Variants in PTBP3 observed in about 807,000 individuals in gnomAD.
PTBP3 encodes the protein polypyrimidine tract-binding protein 3.
In PTBP3, 20 loss-of-function variants were observed where a neutral mutation model predicts 58.7. The ratio of observed to expected loss-of-function variants is 0.34; its 90% CI spans 0.24 to 0.50. The LOEUF (loss-of-function observed/expected upper bound fraction) is 0.50. Among genes scored for constraint, PTBP3 ranks in the 20% least tolerant of loss-of-function variants. The probability of loss-of-function intolerance (pLI) is 0.98; values close to 1 mark genes in which losing one functional copy is unlikely to be tolerated. For missense variants in PTBP3, 509 were observed against 637.2 expected, an observed-to-expected ratio of 0.80 and a Z score of 2.17; for synonymous variants, 185 against 219.8, an observed-to-expected ratio of 0.84 and a Z score of 1.40.
At chr9:112,250,770 T>C (rs1270174512) in intron 7 of PTBP3, among the ~76,000 whole-genome samples, 159 bp downstream of exon 7, 1 of 152,210 alleles carries the variant, frequency 6.6e-6, no homozygotes, top group Admixed American at 6.5e-5. Context: ...CTAATATTAA[T>C]ATTTAATTAA....
At chr9:112,326,926 C>A (rs921364369) in intron 1 of PTBP3, among the ~76,000 whole-genome samples, 4 of 152,160 alleles carry the variant, frequency 2.6e-5, no homozygotes, top group African/African-American at 9.7e-5. Flanking sequence ...AAATTAAAGA[C>A]AGCAATTATG....
At chr9:112,350,442 T>C in the PTBP3 span, among the ~76,000 whole-genome samples, 1 of 152,244 alleles carries the variant, frequency 6.6e-6, no homozygotes, top group African/African-American at 2.4e-5. Flanking sequence ...TACAGAGCAT[T>C]CTTCCACGCC....
chr9:112,238,716 CT>C (rs1376416500), intron 7 of PTBP3, among the ~76,000 whole-genome samples: 2 of 42,246 alleles, frequency 4.7e-5, no homozygotes, highest in Non-Finnish European at 1.0e-4. Context: ...AACTGACTTT[CT>C]AAGAGCAACA....
chr9:112,372,388 T>A, the PTBP3 span, among the ~76,000 whole-genome samples: 1 of 152,192 alleles, frequency 6.6e-6, no homozygotes. Context: ...TTTCCATAAA[T>A]TTTTTTGTTT....
intron 5 of PTBP3, among the ~76,000 whole-genome samples, chr9:112,253,548 A>G (rs1460329128): frequency 6.6e-6 from 1 of 152,188 alleles, no homozygotes; most frequent in Non-Finnish European, 1.5e-5. Context: ...TAGGGGGGAT[A>G]AAACAACAAC....
intron 1 of PTBP3, among the ~76,000 whole-genome samples, chr9:112,303,134 C>T (rs1184070931): frequency 2.6e-5 from 4 of 152,214 alleles, no homozygotes; most frequent in East Asian, 3.9e-4. Context: ...CAGTAACACT[C>T]CCCTGTCATG....
chr9:112,335,599 CTT>C (rs113253430), upstream of PTBP3, among the ~76,000 whole-genome samples: 143 of 102,712 alleles, frequency 1.4e-3, 2 homozygotes, highest in East Asian at 6.3e-3. Context: ...TACCATTTTT[CTT>C]TTTTTTTTTT....
At chr9:112,344,780 A>AC in the PTBP3 span, among the ~76,000 whole-genome samples, 1 of 152,234 alleles carries the variant, frequency 6.6e-6, no homozygotes, top group African/African-American at 2.4e-5. Flanking sequence ...TGGGTATAAG[A>AC]TTAACATATG....
chr9:112,297,084 C>T (rs1828720269), intron 2 of PTBP3, among the ~76,000 whole-genome samples: 1 of 152,174 alleles, frequency 6.6e-6, no homozygotes, highest in Non-Finnish European at 1.5e-5. Flanking sequence ...TTTACGGCCA[C>T]TAAATTTCAA....
At chr9:112,253,802 C>T (rs547264481) in intron 5 of PTBP3, among the ~76,000 whole-genome samples, 10 of 152,284 alleles carry the variant, frequency 6.6e-5, no homozygotes, top group African/African-American at 2.4e-4. Flanking sequence ...CTGGCTTCCC[C>T]TTCGCCTTCT....
chr9:112,252,447 C>G, intron 6 of PTBP3: 1 of 489,898 alleles, frequency 2.0e-6, no homozygotes, highest in South Asian at 2.2e-5. Flanking sequence ...ACAGGACCTG[C>G]GTCTCAGAGA....
At chr9:112,304,096 G>A (rs1829066192) in intron 1 of PTBP3, among the ~76,000 whole-genome samples, 1 of 152,036 alleles carries the variant, frequency 6.6e-6, no homozygotes, top group Non-Finnish European at 1.5e-5. Flanking sequence ...GAACCCAGGA[G>A]GCAGAGGTTG....
At chr9:112,236,585 G>A (rs1835447216) in intron 7 of PTBP3, among the ~76,000 whole-genome samples, 1 of 152,164 alleles carries the variant, frequency 6.6e-6, no homozygotes, top group African/African-American at 2.4e-5. Flanking sequence ...AGATACGGTG[G>A]ATATTGTATT....
At chr9:112,378,397 C>G in the PTBP3 span, among the ~76,000 whole-genome samples, 2 of 152,192 alleles carry the variant, frequency 1.3e-5, no homozygotes, top group Admixed American at 6.5e-5. Flanking sequence ...TTTGCTTTGC[C>G]TCTTCGTTGA....
intron 1 of PTBP3, among the ~76,000 whole-genome samples, chr9:112,320,439 T>C (rs1829901839): frequency 6.6e-6 from 1 of 151,236 alleles, no homozygotes; most frequent in Non-Finnish European, 1.5e-5. Context: ...TATACAATTT[T>C]TGTCAATTAA....
At chr9:112,301,327 C>G (rs1828924170) in intron 1 of PTBP3, among the ~76,000 whole-genome samples, 1 of 151,638 alleles carries the variant, frequency 6.6e-6, no homozygotes, top group Non-Finnish European at 1.5e-5. Flanking sequence ...ATCAGAACAC[C>G]TAAAATAAAA....
At chr9:112,236,609 A>G (rs1835447891) in intron 7 of PTBP3, among the ~76,000 whole-genome samples, 2 of 152,188 alleles carry the variant, frequency 1.3e-5, no homozygotes, top group Admixed American at 1.3e-4. Context: ...GTTGCCAAAT[A>G]TTCACTTGCC....
intron 10 of PTBP3, among the ~76,000 whole-genome samples, chr9:112,229,061 T>C (rs921869086): frequency 8.5e-5 from 13 of 152,160 alleles, no homozygotes; most frequent in Admixed American, 5.9e-4. Context: ...CACTGGGGTA[T>C]GGAAAGATAA....
At chr9:112,261,086 A>G (rs951768048) in intron 5 of PTBP3, among the ~76,000 whole-genome samples, 1 of 152,240 alleles carries the variant, frequency 6.6e-6, no homozygotes, top group Non-Finnish European at 1.5e-5. Flanking sequence ...AAACACTGCT[A>G]AAGATCACAT....
Sources: allele counts gnomAD v4.1 joint callset (sites outside exome capture counted in the v4.1 genomes callset), GRCh38; gene constraint gnomAD v4.1.1; transcripts MANE v1.5; gene names NCBI Gene and HGNC (gene_info 2026-07-23, HGNC 2026-07-21).